OSBP2: variants seen among roughly 807,000 people sequenced by gnomAD.
OSBP2 encodes oxysterol-binding protein 2.
In OSBP2, 66 loss-of-function variants were observed where a neutral mutation model predicts 96.0. That is an observed-to-expected ratio of 0.69 (90% confidence interval 0.56 to 0.84). OSBP2 has a LOEUF of 0.84. OSBP2 is among the 40% of genes least tolerant of loss of function. The pLI is 0.00. For synonymous variants in OSBP2, 525 were observed against 520.9 expected, an observed-to-expected ratio of 1.01 and a Z score of -0.11; for missense variants, 1,038 against 1,222.7, an observed-to-expected ratio of 0.85 and a Z score of 2.25.
In OSBP2 at chr22:30,893,003, C is replaced by A; in HGVS notation, c.1870-119C>A. On this transcript the variant is annotated intron_variant, in intron 8 of 13. Coordinates refer to ENST00000332585, the MANE Select transcript of OSBP2 (RefSeq NM_030758.4). ...GCCACCTGAGGAACAGCCAGGACTG[C>A]TCCTATGGCCACAGAGCTGTGCCTG... The A allele has an allele frequency of 4.5e-6, 6 of 1,329,668 alleles. No individual in the cohort carries two copies. In the South Asian group the frequency reaches 8.0e-5, roughly 18 times the overall value. The allele number at this position is 1,329,668 out of a possible 1,614,324, so 82.4% of individuals were successfully genotyped here. A position where few individuals can be genotyped will look rare whatever the true frequency, so the allele number is the denominator to read the frequency against.
chr22:30,856,779 G>GAA (rs111339901), intron 2 of OSBP2, among the ~76,000 whole-genome samples: 1 of 147,674 alleles, frequency 6.8e-6, no homozygotes. Flanking sequence ...ATTTCTTTTA[G>GAA]AAAAAAAAAA....
At chr22:30,823,930 T>C (rs776304904) in intron 2 of OSBP2, among the ~76,000 whole-genome samples, 16 of 152,376 alleles carry the variant, frequency 1.1e-4, no homozygotes, top group Non-Finnish European at 1.9e-4. Context: ...GTCATCGGTT[T>C]GGATGGATTT....
chr22:30,764,532 A>G, intron 2 of OSBP2: 1 of 312,884 alleles, frequency 3.2e-6, no homozygotes, highest in Non-Finnish European at 4.6e-6. Context: ...CTGGGGATGC[A>G]AGTGGGCTTG....
chr22:30,904,732 G>A (rs1376422899), intron 12 of OSBP2, among the ~76,000 whole-genome samples: 1 of 152,154 alleles, frequency 6.6e-6, no homozygotes, highest in Non-Finnish European at 1.5e-5. Flanking sequence ...TGGAACGTGT[G>A]CAAAAACTGC....
chr22:30,749,099 C>A (rs2090042218), intron 2 of OSBP2, among the ~76,000 whole-genome samples: 1 of 152,090 alleles, frequency 6.6e-6, no homozygotes, highest in Non-Finnish European at 1.5e-5. Flanking sequence ...CTGGGTGAGA[C>A]AGAGCGAGAC....
chr22:30,748,642 A>G (rs1228691723), intron 2 of OSBP2, among the ~76,000 whole-genome samples: 5 of 152,100 alleles, frequency 3.3e-5, no homozygotes, highest in Non-Finnish European at 7.4e-5. Context: ...CTTTCTACCT[A>G]TTGTCACCAG....
chr22:30,694,717 C>T, upstream of OSBP2: 1 of 326,690 alleles, frequency 3.1e-6, no homozygotes, highest in African/African-American at 2.2e-5. Context: ...ACCCAGGGTC[C>T]AAACATGGCC....
chr22:30,710,190 A>G (rs2089325155), intron 1 of OSBP2, among the ~76,000 whole-genome samples: 1 of 152,158 alleles, frequency 6.6e-6, no homozygotes. Flanking sequence ...CCGCCTTAGC[A>G]AGAATACTTC....
At chr22:30,744,603 A>T (rs2089976281) in intron 2 of OSBP2, among the ~76,000 whole-genome samples, 1 of 152,128 alleles carries the variant, frequency 6.6e-6, no homozygotes, top group Non-Finnish European at 1.5e-5. Context: ...TCTGCTAAAA[A>T]TACAAAAATT....
At chr22:30,899,548 A>AT (rs1452574591) in intron 12 of OSBP2, among the ~76,000 whole-genome samples, 1 of 152,074 alleles carries the variant, frequency 6.6e-6, no homozygotes, top group East Asian at 1.9e-4. Flanking sequence ...AATTCTCCCT[A>AT]TTTTTTCAGA....
chr22:30,875,941 A>T (rs1043932622), intron 3 of OSBP2, among the ~76,000 whole-genome samples: 1 of 152,264 alleles, frequency 6.6e-6, no homozygotes, highest in African/African-American at 2.4e-5. Context: ...GCTGCCAGGC[A>T]TGTGCTCATC....
At chr22:30,724,086 C>T (rs1054472914) in intron 1 of OSBP2, among the ~76,000 whole-genome samples, 1 of 152,202 alleles carries the variant, frequency 6.6e-6, no homozygotes, top group African/African-American at 2.4e-5. Flanking sequence ...ATCTTTTTAC[C>T]GTCTCCATTA....
intron 2 of OSBP2, among the ~76,000 whole-genome samples, chr22:30,816,140 A>G (rs2091081030): frequency 6.6e-6 from 1 of 152,170 alleles, no homozygotes; most frequent in Admixed American, 6.5e-5. Context: ...AAAAATAAAA[A>G]GTTTTGACAA....
At chr22:30,877,956 A>T (rs1048856715) in intron 3 of OSBP2, among the ~76,000 whole-genome samples, 1 of 152,216 alleles carries the variant, frequency 6.6e-6, no homozygotes, top group Non-Finnish European at 1.5e-5. Context: ...GTAACCACAT[A>T]GGTGATATGG....
chr22:30,855,118 G>A (rs1242868830), intron 2 of OSBP2, among the ~76,000 whole-genome samples: 1 of 152,158 alleles, frequency 6.6e-6, no homozygotes, highest in Non-Finnish European at 1.5e-5. Context: ...ATGAGATTTG[G>A]GTGGGGACAC....
chr22:30,825,054 C>A (rs2038368946), intron 2 of OSBP2, among the ~76,000 whole-genome samples: 1 of 152,136 alleles, frequency 6.6e-6, no homozygotes, highest in African/African-American at 2.4e-5. Flanking sequence ...GAACAGATCC[C>A]CACCCTGCTC....
chr22:30,870,386 C>T lies in OSBP2; in HGVS notation c.854-43C>T, dbSNP rs188025866. The T allele has an allele frequency of 1.0e-4, 167 of 1,605,242 alleles. No homozygotes were observed. Among genetic ancestry groups the T allele is most frequent in the Middle Eastern group, 3.3e-4 (2 of 6,046 alleles). ...TGGCTGTGCAGGCCTCTTGGTACCA[C>T]GTCTGTTCGTAATGACCGTAACAAC... On this transcript the variant is annotated intron_variant, in intron 2 of 13. Transcript: ENST00000332585. This position sits in a 1 kb window ranked among gnomAD's most constrained non-coding sequence, Gnocchi z 4.1.
chr22:30,854,174 T>C (rs2039033030), intron 2 of OSBP2, among the ~76,000 whole-genome samples: 1 of 152,168 alleles, frequency 6.6e-6, no homozygotes, highest in African/African-American at 2.4e-5. Flanking sequence ...TTTACAACAG[T>C]GTACTTCTGT....
chr22:30,742,730 T>C (rs2089955848), intron 2 of OSBP2, among the ~76,000 whole-genome samples: 1 of 152,254 alleles, frequency 6.6e-6, no homozygotes, highest in African/African-American at 2.4e-5. Context: ...TTATGTAACC[T>C]ATAGCTTGTT....
Sources: gnomAD v4.1 joint callset for allele counts (sites outside exome capture counted in the v4.1 genomes callset) on GRCh38, gnomAD v4.1.1 for gene constraint, Gnocchi (gnomAD v3.1) non-coding constraint, MANE v1.5 for transcripts, NCBI Gene and HGNC (gene_info 2026-07-23, HGNC 2026-07-21) for gene names.